The following EPHA6 variants were observed in gnomAD, a reference collection of about 807,000 sequenced individuals.
The protein encoded by EPHA6 is EPH receptor A6.
A neutral mutation model predicts 112.0 loss-of-function variants in EPHA6; 50 were observed. The ratio of observed to expected loss-of-function variants is 0.45; its 90% confidence interval spans 0.36 to 0.56. The LOEUF (loss-of-function observed/expected upper bound fraction) is 0.56. Among genes scored for constraint, EPHA6 ranks in the 20% least tolerant of loss-of-function variants. EPHA6 has a pLI of 0.00. For synonymous variants in EPHA6, 529 were observed against 490.7 expected, an observed-to-expected ratio of 1.08 and a Z score of -1.03; for missense variants, 1,280 against 1,417.4, an observed-to-expected ratio of 0.90 and a Z score of 1.56.
chr3:97,277,658 G>A (rs1001966557), intron 5 of EPHA6, among the ~76,000 whole-genome samples: 1 of 151,900 alleles, frequency 6.6e-6, no homozygotes, highest in African/African-American at 2.4e-5. Flanking sequence ...GTAACACAAT[G>A]GTAAATACTT....
At chr3:97,540,210 A>G (rs1052233294) in intron 11 of EPHA6, among the ~76,000 whole-genome samples, 2 of 152,212 alleles carry the variant, frequency 1.3e-5, no homozygotes, top group Admixed American at 1.3e-4. Context: ...CTGTTGTTCA[A>G]GAAAATAAAT....
At chr3:96,909,896 A>G (rs922510274) in intron 2 of EPHA6, among the ~76,000 whole-genome samples, 2 of 151,936 alleles carry the variant, frequency 1.3e-5, no homozygotes, top group African/African-American at 4.8e-5. Flanking sequence ...CTCTGAGCAT[A>G]TATTTCTTCA....
intron 14 of EPHA6, among the ~76,000 whole-genome samples, chr3:97,719,653 A>G (rs967290564): frequency 2.0e-5 from 3 of 152,244 alleles, no homozygotes; most frequent in Non-Finnish European, 4.4e-5. Flanking sequence ...TTGAAATTGA[A>G]GAATAAAAAT....
intron 2 of EPHA6, among the ~76,000 whole-genome samples, chr3:96,952,812 A>C (rs138519697): frequency 6.6e-6 from 1 of 152,118 alleles, no homozygotes; most frequent in Non-Finnish European, 1.5e-5. Context: ...AATGATAAGA[A>C]CACATGGACA....
chr3:97,399,840 A>G lies in EPHA6; in HGVS notation c.1607-5310A>G, dbSNP rs866901686. On this transcript the variant is annotated intron_variant, in intron 5 of 17. Transcript: ENST00000389672. ...CATGTATAGTCCTTGATATTAATCC[A>G]TTGTTGAATGAATAGTAGTTTGCAA... Among the ~76,000 whole-genome samples the G allele has an allele frequency of 5.9e-5, 9 of 151,504 alleles. No individual in the cohort carries two copies. The South Asian group carries it at 1.0e-3, about 17-fold the overall frequency.
At chr3:97,649,887 C>T (rs576222378) in intron 14 of EPHA6, among the ~76,000 whole-genome samples, 8 of 152,052 alleles carry the variant, frequency 5.3e-5, no homozygotes, top group Middle Eastern at 3.4e-3. Context: ...GAAATCGATG[C>T]GCTAATACTA....
intron 5 of EPHA6, among the ~76,000 whole-genome samples, chr3:97,257,922 C>T (rs2079370348): frequency 6.6e-6 from 1 of 151,984 alleles, no homozygotes; most frequent in Non-Finnish European, 1.5e-5. Context: ...TTGATGTACA[C>T]ACATGGTCAT....
intron 3 of EPHA6, among the ~76,000 whole-genome samples, chr3:97,173,243 T>A (rs1349544486): frequency 6.6e-6 from 1 of 151,956 alleles, no homozygotes; most frequent in Non-Finnish European, 1.5e-5. Context: ...CATGCTAGCA[T>A]ATTTTAGAAA....
At chr3:97,533,473 C>T (rs1244446334) in intron 11 of EPHA6, among the ~76,000 whole-genome samples, 1 of 152,076 alleles carries the variant, frequency 6.6e-6, no homozygotes, top group Non-Finnish European at 1.5e-5. Context: ...GAATAGATTC[C>T]TGACAGCTAT....
chr3:97,739,469 C>T (rs142735545), intron 16 of EPHA6, among the ~76,000 whole-genome samples: 310 of 152,090 alleles, frequency 2.0e-3, no homozygotes, highest in Non-Finnish European at 2.9e-3. Context: ...ATGAGGAAGG[C>T]CATGAAATCC....
chr3:97,399,601 T>G (rs1269492783), intron 5 of EPHA6, among the ~76,000 whole-genome samples: 11 of 151,784 alleles, frequency 7.2e-5, no homozygotes, highest in Admixed American at 1.3e-4. Context: ...CACTGGTTAT[T>G]TATTTTCTTT....
intron 3 of EPHA6, among the ~76,000 whole-genome samples, chr3:97,163,322 G>A (rs150600546): frequency 0.012 from 1,751 of 152,104 alleles, 16 homozygotes; most frequent in Non-Finnish European, 0.018. Context: ...AACCAACTAA[G>A]CAAACAAACC....
intron 5 of EPHA6, among the ~76,000 whole-genome samples, chr3:97,349,831 C>T (rs2083714542): frequency 6.6e-6 from 1 of 151,992 alleles, no homozygotes; most frequent in African/African-American, 2.4e-5. Flanking sequence ...CCTCACAACT[C>T]ATGTTCAACA....
intron 1 of EPHA6, among the ~76,000 whole-genome samples, chr3:96,852,300 C>T (rs1401990763): frequency 6.6e-6 from 1 of 151,930 alleles, no homozygotes; most frequent in Non-Finnish European, 1.5e-5. Context: ...TCAAGACTGG[C>T]CTGGCCAACA....
chr3:97,721,571 G>T (rs567537083), intron 15 of EPHA6, among the ~76,000 whole-genome samples: 38 of 152,284 alleles, frequency 2.5e-4, no homozygotes, highest in East Asian at 5.8e-4. Flanking sequence ...CTCAGTCATT[G>T]TTCTCCAAAG....
intron 5 of EPHA6, among the ~76,000 whole-genome samples, chr3:97,259,346 CT>C (rs56739936): frequency 0.013 from 1,934 of 151,282 alleles, 42 homozygotes; most frequent in African/African-American, 0.043. Flanking sequence ...TCAACCTTAT[CT>C]TTTTTTTTGT....
chr3:97,181,061 G>A (rs922879786), intron 3 of EPHA6, among the ~76,000 whole-genome samples: 4 of 152,056 alleles, frequency 2.6e-5, no homozygotes, highest in South Asian at 2.1e-4. Context: ...TGGGATCTTC[G>A]ATTTCCCTCT....
At chr3:97,366,126 C>A (rs2084712290) in intron 5 of EPHA6, among the ~76,000 whole-genome samples, 1 of 152,130 alleles carries the variant, frequency 6.6e-6, no homozygotes, top group South Asian at 2.1e-4. Flanking sequence ...TGTTGAGATA[C>A]CACATAGATT....
intron 1 of EPHA6, among the ~76,000 whole-genome samples, chr3:96,856,681 T>C (rs2035717990): frequency 1.3e-5 from 2 of 152,136 alleles, no homozygotes; most frequent in African/African-American, 4.8e-5. Flanking sequence ...AGCTTTAAAA[T>C]GGGTAGATAC....
Sources: allele counts gnomAD v4.1 joint callset (sites outside exome capture counted in the v4.1 genomes callset), GRCh38; gene constraint gnomAD v4.1.1; transcripts MANE v1.5; gene names NCBI Gene and HGNC (gene_info 2026-07-23, HGNC 2026-07-21).